The following ZNF736 variants were observed in gnomAD, a reference collection of about 807,000 sequenced individuals.
The protein encoded by ZNF736 is KRAB-containing zinc-finger repressor protein.
A neutral mutation model predicts 11.7 loss-of-function variants in ZNF736; 6 were observed. The observed-to-expected ratio is 0.51, with a 90% CI of 0.28 to 1.01. The LOEUF (loss-of-function observed/expected upper bound fraction) is 1.01, where lower values mean the gene tolerates loss of function less well. ZNF736 is among the 50% of genes least tolerant of loss of function. ZNF736 has a pLI of 0.09. For missense variants in ZNF736, 444 were observed against 496.0 expected (o/e 0.90, Z 1.00); for synonymous variants, 139 against 164.7 (o/e 0.84, Z 1.19).
Position 64,355,297 on chromosome 7 carries a change from AAAATATGGTTTTAGTCTTCC to A in ZNF736, c.*6151_*6170del. ...CTGAACTCTTTTCATATAGATTAAT[AAAATATGGTTTTAGTCTTCC>A]TTCTCTATATTCTGGCTTAGACAGA... On this transcript the variant is annotated 3_prime_UTR_variant, in exon 4 of 4. Transcript: ENST00000423484. 1 of 162,652 alleles carries A rather than the reference AAAATATGGTTTTAGTCTTCC, an allele frequency of 6.1e-6. No individual in the cohort carries two copies. Among genetic ancestry groups the A allele is most frequent in the Admixed American group, 6.4e-5 (1 of 15,574 alleles). The allele number at this position is 162,652 out of a possible 1,614,324, so 10.1% of individuals were successfully genotyped here.
At chr7:64,332,553 T>A (rs2115916525) in intron 1 of ZNF736, among the ~76,000 whole-genome samples, 1 of 152,250 alleles carries the variant, frequency 6.6e-6, no homozygotes, top group South Asian at 2.1e-4. Flanking sequence ...TTGATAAACA[T>A]CTTAAACAAC....
At chr7:64,332,501 C>G (rs1789184579) in intron 1 of ZNF736, among the ~76,000 whole-genome samples, 1 of 152,136 alleles carries the variant, frequency 6.6e-6, no homozygotes, top group South Asian at 2.1e-4. Context: ...AAAGGCAAAA[C>G]AGAACTGATA....
At chr7:64,319,059 G>T (rs1788956474) in intron 1 of ZNF736, among the ~76,000 whole-genome samples, 1 of 152,026 alleles carries the variant, frequency 6.6e-6, no homozygotes, top group South Asian at 2.1e-4. Flanking sequence ...GTAAATGGAA[G>T]AATTAATTCC....
At chr7:64,329,652 GT>G (rs777042918) in intron 1 of ZNF736, among the ~76,000 whole-genome samples, 11,207 of 150,504 alleles carry the variant, frequency 0.074, 508 homozygotes, top group East Asian at 0.27. Context: ...TGGAGCTGGA[GT>G]GGGTGTAACA....
intron 1 of ZNF736, among the ~76,000 whole-genome samples, chr7:64,318,781 G>C (rs537018908): frequency 1.3e-5 from 2 of 152,008 alleles, no homozygotes; most frequent in Non-Finnish European, 2.9e-5. Flanking sequence ...TATACATGTA[G>C]ACACAACATA....
At chr7:64,343,665 C>G (rs1034359602) in intron 3 of ZNF736, among the ~76,000 whole-genome samples, 3 of 152,084 alleles carry the variant, frequency 2.0e-5, no homozygotes, top group African/African-American at 7.2e-5. Context: ...TGGTAGTACA[C>G]TATGTTGATT....
intron 1 of ZNF736, among the ~76,000 whole-genome samples, chr7:64,330,339 A>T (rs1188287389): frequency 6.6e-6 from 1 of 151,902 alleles, no homozygotes; most frequent in Non-Finnish European, 1.5e-5. Flanking sequence ...TGTATTTTTT[A>T]GTAGAGACGG....
rs754802596 is a variant in ZNF736 at position 64,348,915 on chromosome 7, C to G, written c.1052C>G (p.Thr351Ser). ...YICEECGKAF[T>S]RSSTLFNHKR... ...TGTGAAGAATGTGGCAAAGCCTTTA[C>G]CCGCTCCTCAACCCTTTTTAACCAC... The change falls in exon 4 of 4, where the codon ACC (threonine) becomes AGC (serine). Residue 351 changes from threonine (T) to serine (S), a missense_variant. Transcript: ENST00000423484. 1.2e-6 allele frequency: 2 copies of G among 1,605,688 alleles called. No homozygotes were observed. Among genetic ancestry groups the G allele is most frequent in the Admixed American group, 3.4e-5 (2 of 58,716 alleles).
At chr7:64,339,426 T>C (rs768638621) in intron 3 of ZNF736, among the ~76,000 whole-genome samples, 1 of 152,200 alleles carries the variant, frequency 6.6e-6, no homozygotes, top group South Asian at 2.1e-4. Context: ...TGTCATTCAT[T>C]AGAGTCCTTA....
chr7:64,327,620 G>A (rs559743767), intron 1 of ZNF736, among the ~76,000 whole-genome samples: 41 of 151,810 alleles, frequency 2.7e-4, no homozygotes, highest in Non-Finnish European at 4.7e-4. Flanking sequence ...TCTCCTTTTC[G>A]CTCTCCCATT....
chr7:64,337,202 G>GTTGTGTGTA, intron 3 of ZNF736: 1 of 520,570 alleles, frequency 1.9e-6, no homozygotes, highest in Middle Eastern at 5.2e-4. Context: ...GTGTGTGTGT[G>GTTGTGTGTA]TTGTGTGTGT....
chr7:64,325,382 A>G (rs1789069726), intron 1 of ZNF736, among the ~76,000 whole-genome samples: 1 of 152,174 alleles, frequency 6.6e-6, no homozygotes, highest in Non-Finnish European at 1.5e-5. Context: ...AATAAACTCT[A>G]CAATTGGATT....
At chr7:64,324,111 T>C (rs1014455418) in intron 1 of ZNF736, among the ~76,000 whole-genome samples, 1 of 152,232 alleles carries the variant, frequency 6.6e-6, no homozygotes, top group Non-Finnish European at 1.5e-5. Context: ...GCTGATTTTG[T>C]TCATTTTCTT....
rs931276682 is a variant in ZNF736 at position 64,351,447 on chromosome 7, T to C, written c.*2300T>C. On this transcript the variant is annotated 3_prime_UTR_variant, in exon 4 of 4. Coordinates refer to ENST00000423484, the MANE Select transcript of ZNF736 (RefSeq NM_001170905.3). ...CTGCTTTGCTGGAGCTCTTCATGAG[T>C]CAGGCATGTCCCTCCAGTGCAGATG... 1 of 152,314 alleles carries C rather than the reference T, an allele frequency of 6.6e-6. No individual in the cohort carries two copies. Among genetic ancestry groups the C allele is most frequent in the African/African-American group, 2.4e-5 (1 of 41,438 alleles). The allele number at this position is 152,314 out of a possible 1,614,324, so 9.4% of individuals were successfully genotyped here. A position where few individuals can be genotyped will look rare whatever the true frequency, so the allele number is the denominator to read the frequency against.
chr7:64,337,127 A>G (rs1789262785), intron 3 of ZNF736, 145 bp downstream of exon 3: 2 of 723,316 alleles, frequency 2.8e-6, no homozygotes, highest in Non-Finnish European at 4.6e-6. Flanking sequence ...TTGCTTTAAC[A>G]TAGGGACATT....
intron 1 of ZNF736, among the ~76,000 whole-genome samples, chr7:64,335,697 G>T (rs1789239145): frequency 6.6e-6 from 1 of 152,144 alleles, no homozygotes; most frequent in African/African-American, 2.4e-5. Flanking sequence ...GGAAAATGAA[G>T]GCTCTCGTCT....
chr7:64,354,565 GT>G lies in ZNF736; in HGVS notation c.*5421del, dbSNP rs1789530343. Reference sequence around the variant, plus strand: ...ATCTTGTGCAAATTCTTTTTTTGTTGTTTGTCTGTTTGCCTGTTGCTCACCA... The same window carrying G: ...ATCTTGTGCAAATTCTTTTTTTGTTGTTGTCTGTTTGCCTGTTGCTCACCA... On this transcript the variant is annotated 3_prime_UTR_variant, in exon 4 of 4. Coordinates refer to ENST00000423484, the MANE Select transcript of ZNF736 (RefSeq NM_001170905.3). 6.6e-6 allele frequency: 1 copy of G among 151,772 alleles called. No individual in the cohort carries two copies. The highest frequency in any genetic ancestry group is 1.9e-4 in the East Asian group (1 of 5,186). The allele number at this position is 151,772 out of a possible 1,614,324, so 9.4% of individuals were successfully genotyped here. A position where few individuals can be genotyped will look rare whatever the true frequency, so the allele number is the denominator to read the frequency against.
chr7:64,336,847 T>C (rs1789258592), intron 2 of ZNF736, 40 bp from the exon 3 acceptor site: 7 of 1,483,522 alleles, frequency 4.7e-6, no homozygotes, highest in Middle Eastern at 1.7e-4. Flanking sequence ...GTAATCAGAT[T>C]ATCCTAGCAA....
chr7:64,318,190 A>G (rs1348790162), intron 1 of ZNF736, among the ~76,000 whole-genome samples: 3 of 151,934 alleles, frequency 2.0e-5, no homozygotes, highest in Non-Finnish European at 2.9e-5. Flanking sequence ...ACAGATCTAA[A>G]TATCTTTGGT....
Sources: gnomAD v4.1 joint callset for allele counts (sites outside exome capture counted in the v4.1 genomes callset) on GRCh38, gnomAD v4.1.1 for gene constraint, MANE v1.5 for transcripts, NCBI Gene and HGNC (gene_info 2026-07-23, HGNC 2026-07-21) for gene names.